PIBF1: variants seen among roughly 807,000 people sequenced by gnomAD.
The protein encoded by PIBF1 is progesterone immunomodulatory binding factor 1, also known as progesterone-induced-blocking factor 1.
A neutral mutation model predicts 112.5 loss-of-function variants in PIBF1; 90 were observed. The observed-to-expected ratio is 0.80, with a 90% CI of 0.67 to 0.95. The LOEUF is 0.95. Ranked by LOEUF, PIBF1 falls within the 40% of genes least tolerant of loss-of-function variation. The probability of loss-of-function intolerance (pLI) is 0.00; values close to 1 mark genes in which losing one functional copy is unlikely to be tolerated. For missense variants in PIBF1, 915 were observed against 852.3 expected (o/e 1.07, Z -0.92); for synonymous variants, 301 against 288.6 (o/e 1.04, Z -0.44).
intron 10 of PIBF1, among the ~76,000 whole-genome samples, chr13:72,876,435 T>G (rs995497689): frequency 2.0e-5 from 3 of 152,120 alleles, no homozygotes; most frequent in Non-Finnish European, 4.4e-5. Context: ...CCTGTCTATA[T>G]TAACTTTAGA....
At chr13:72,894,771 TAGTGTGTG>T (rs2040204773) in intron 11 of PIBF1, among the ~76,000 whole-genome samples, 1 of 96,152 alleles carries the variant, frequency 1.0e-5, no homozygotes, top group African/African-American at 4.5e-5. Context: ...TATATATATA[TAGTGTGTG>T]TGTGTGTGTG....
chr13:72,945,737 G>A (rs990611886), intron 14 of PIBF1, among the ~76,000 whole-genome samples: 10 of 151,990 alleles, frequency 6.6e-5, no homozygotes, highest in Non-Finnish European at 1.3e-4. Context: ...AAATAAATTT[G>A]TTGAATCAAA....
Position 72,996,659 on chromosome 13 carries a change from G to A in PIBF1, c.2050-2163G>A, listed in dbSNP as rs371516244. ...AAAAATTAGCTGGGTGTGGGGGAAT[G>A]CCCCTGTAGTCCTAGCTACTCAGGA... is the stretch of plus-strand genomic sequence containing the variant. On this transcript the variant is annotated intron_variant, in intron 16 of 17. Coordinates refer to ENST00000326291, the MANE Select transcript of PIBF1 (RefSeq NM_006346.4). Among the ~76,000 whole-genome samples the A allele has an allele frequency of 3.9e-5, 6 of 152,074 alleles. No homozygotes were observed. In the East Asian group the frequency reaches 1.2e-3, roughly 30 times the overall value.
intron 8 of PIBF1, among the ~76,000 whole-genome samples, chr13:72,830,199 T>C (rs772441561): frequency 6.6e-6 from 1 of 152,188 alleles, no homozygotes. Context: ...GTTTTCTAAA[T>C]ATACAATCAT....
chr13:72,821,746 A>G, intron 5 of PIBF1, 103 bp from the exon 6 acceptor site: 1 of 783,124 alleles, frequency 1.3e-6, no homozygotes, highest in Non-Finnish European at 1.9e-6. Context: ...TTACTGTTTA[A>G]TTACAAGGAC....
chr13:72,811,378 G>A (rs770847911), intron 5 of PIBF1, among the ~76,000 whole-genome samples: 70 of 152,078 alleles, frequency 4.6e-4, no homozygotes, highest in Non-Finnish European at 8.8e-4. Context: ...CAATGTGGAT[G>A]GATCACCTGA....
rs138633362 is a variant in PIBF1 at position 72,912,650 on chromosome 13, C to T, written c.1639+3969C>T. Among the ~76,000 whole-genome samples, 29 of 152,276 alleles carry T rather than the reference C, an allele frequency of 1.9e-4. 1 individual carries two copies. The East Asian group carries it at 4.4e-3, about 23-fold the overall frequency. Reference sequence around the variant, plus strand: ...AAAGCATATGCACCTTAAAAGATTTCCTCTAGAATGTTCATAGGAAATGTA... The same window carrying T: ...AAAGCATATGCACCTTAAAAGATTTTCTCTAGAATGTTCATAGGAAATGTA... On this transcript the variant is annotated intron_variant, in intron 12 of 17. Transcript: ENST00000326291.
At chr13:72,947,355 G>T (rs544235453) in intron 14 of PIBF1, among the ~76,000 whole-genome samples, 4 of 152,302 alleles carry the variant, frequency 2.6e-5, no homozygotes, top group Middle Eastern at 3.4e-3. Flanking sequence ...GAGCAGGGGG[G>T]CCCTGGGCCT....
At chr13:72,798,716 A>G (rs1222651244) in intron 5 of PIBF1, among the ~76,000 whole-genome samples, 6 of 152,214 alleles carry the variant, frequency 3.9e-5, no homozygotes, top group East Asian at 1.9e-4. Flanking sequence ...TAACAAAAAA[A>G]TAATGGTAGA....
intron 14 of PIBF1, among the ~76,000 whole-genome samples, chr13:72,955,028 T>C (rs1166037299): frequency 6.6e-6 from 1 of 152,188 alleles, no homozygotes; most frequent in Non-Finnish European, 1.5e-5. Flanking sequence ...GACCTGGAGT[T>C]GGGAGGGCAG....
chr13:72,810,857 A>ATTTT (rs34414482), intron 5 of PIBF1, among the ~76,000 whole-genome samples: 1 of 141,800 alleles, frequency 7.1e-6, no homozygotes, highest in Non-Finnish European at 1.6e-5. Context: ...AAGAACCTCA[A>ATTTT]TTTTTTTTTT....
chr13:72,822,025 G>T (rs1384071081), intron 6 of PIBF1, 43 bp downstream of exon 6: 2 of 1,537,980 alleles, frequency 1.3e-6, no homozygotes, highest in Admixed American at 4.1e-5. Context: ...TCTATTTTTA[G>T]GGTGCATCAA....
At chr13:72,862,681 G>T (rs918062058) in intron 10 of PIBF1, among the ~76,000 whole-genome samples, 2 of 152,150 alleles carry the variant, frequency 1.3e-5, no homozygotes, top group African/African-American at 4.8e-5. Flanking sequence ...AATTGAGTAT[G>T]ATTCAGGGAG....
intron 9 of PIBF1, among the ~76,000 whole-genome samples, chr13:72,840,665 A>G (rs1594024990): frequency 6.6e-6 from 1 of 151,888 alleles, no homozygotes; most frequent in Non-Finnish European, 1.5e-5. Context: ...CTGGGATTAC[A>G]GGTTCGCGCC....
At chr13:72,901,928 A>G (rs958678634) in intron 11 of PIBF1, among the ~76,000 whole-genome samples, 2 of 151,892 alleles carry the variant, frequency 1.3e-5, no homozygotes, top group Non-Finnish European at 2.9e-5. Context: ...TAGCAGCACA[A>G]TTCACAATTG....
intron 14 of PIBF1, among the ~76,000 whole-genome samples, chr13:72,941,162 A>T (rs2041998022): frequency 6.6e-6 from 1 of 152,214 alleles, no homozygotes; most frequent in Admixed American, 6.5e-5. Context: ...CCTGTGTGTC[A>T]GGGATCTCCT....
rs145344246 is a variant in PIBF1 at position 72,995,779 on chromosome 13, G to A, written c.2050-3043G>A. ...AGCCTGGCCAAGATGGTGAAACCCC[G>A]TCTCTATTAAAAATACAAAAATTAG... On this transcript the variant is annotated intron_variant, in intron 16 of 17. Coordinates refer to ENST00000326291, the MANE Select transcript of PIBF1 (RefSeq NM_006346.4). Among the ~76,000 whole-genome samples the A allele has an allele frequency of 3.2e-3, 492 of 151,878 alleles. 3 individuals are homozygous for A. Among genetic ancestry groups the A allele is most frequent in the African/African-American group, 0.011 (473 of 41,436 alleles).
At chr13:73,009,121 A>G (rs2044122249) in intron 17 of PIBF1, among the ~76,000 whole-genome samples, 1 of 152,170 alleles carries the variant, frequency 6.6e-6, no homozygotes, top group Non-Finnish European at 1.5e-5. Context: ...GGCCTCAGCC[A>G]TCATGTCTGC....
intron 12 of PIBF1, among the ~76,000 whole-genome samples, chr13:72,912,129 C>T (rs1254061324): frequency 6.6e-6 from 1 of 152,168 alleles, no homozygotes; most frequent in Non-Finnish European, 1.5e-5. Flanking sequence ...AAACAGATTT[C>T]ACCATAGAGC....
Sources: allele counts gnomAD v4.1 joint callset (sites outside exome capture counted in the v4.1 genomes callset), GRCh38; gene constraint gnomAD v4.1.1; transcripts MANE v1.5; gene names NCBI Gene and HGNC (gene_info 2026-07-23, HGNC 2026-07-21).